BABAM2: variants seen among roughly 807,000 people sequenced by gnomAD.
The protein encoded by BABAM2 is BRISC and BRCA1 A complex member 2, also known as BRISC and BRCA1-A complex member 2.
In BABAM2, 31 loss-of-function variants were observed where a neutral mutation model predicts 54.7. That is an observed-to-expected ratio of 0.57 (90% CI 0.43 to 0.77). The LOEUF is 0.77. Ranked by LOEUF, BABAM2 falls within the 30% of genes least tolerant of loss-of-function variation. The probability of loss-of-function intolerance (pLI) is 0.00; values close to 1 mark genes in which losing one functional copy is unlikely to be tolerated. For synonymous variants in BABAM2, 167 were observed against 162.9 expected (o/e 1.03, Z -0.19); for missense variants, 364 against 455.8 (o/e 0.80, Z 1.83).
intron 7 of BABAM2, among the ~76,000 whole-genome samples, chr2:28,187,217 A>G (rs1477284914): frequency 6.6e-6 from 1 of 152,122 alleles, no homozygotes; most frequent in Non-Finnish European, 1.5e-5. Flanking sequence ...CACCTCTGCA[A>G]CTCAGCCTGA....
intron 3 of BABAM2, among the ~76,000 whole-genome samples, chr2:27,955,565 T>A (rs1165570255): frequency 2.0e-5 from 3 of 152,244 alleles, no homozygotes; most frequent in Non-Finnish European, 4.4e-5. Flanking sequence ...ATAACACAGA[T>A]ATGTGCATTA....
intron 7 of BABAM2, among the ~76,000 whole-genome samples, chr2:28,225,276 G>T (rs537027619): frequency 2.6e-5 from 4 of 152,266 alleles, no homozygotes; most frequent in African/African-American, 7.2e-5. Flanking sequence ...AAAGACAGTC[G>T]GGCTAACAAG....
chr2:28,049,446 A>G (rs1677841181), intron 6 of BABAM2, among the ~76,000 whole-genome samples: 1 of 152,214 alleles, frequency 6.6e-6, no homozygotes, highest in Non-Finnish European at 1.5e-5. Flanking sequence ...AGCCCAGGTT[A>G]GAAGTAAGGC....
rs147170004 is a variant in BABAM2, at chr2:27,894,037, T to C, written c.-24-496T>C. 6.4e-3 allele frequency among the ~76,000 whole-genome samples: 957 copies of C among 149,880 alleles called. 5 individuals carry two copies. The highest frequency in any genetic ancestry group is 7.9e-3 in the Non-Finnish European group (535 of 67,500). On this transcript the variant is annotated intron_variant, in intron 1 of 11. Transcript: ENST00000379624. Reference sequence around the variant, plus strand: ...AGAAAGATATATCAGCAGTAAATAATTTCTAGTAAGTAATAGCTTCAAGCA... The same window carrying C: ...AGAAAGATATATCAGCAGTAAATAACTTCTAGTAAGTAATAGCTTCAAGCA...
chr2:27,998,438 A>G (rs1673333424), intron 4 of BABAM2, among the ~76,000 whole-genome samples: 3 of 151,966 alleles, frequency 2.0e-5, no homozygotes, highest in African/African-American at 2.4e-5. Flanking sequence ...TTTTCTGCCT[A>G]TGCCACATGG....
intron 6 of BABAM2, among the ~76,000 whole-genome samples, chr2:28,124,934 G>T (rs190763524): frequency 6.6e-6 from 1 of 152,282 alleles, no homozygotes; most frequent in Admixed American, 6.5e-5. Context: ...GATGGCAGAA[G>T]AGCCCTCAAA....
intron 7 of BABAM2, among the ~76,000 whole-genome samples, chr2:28,185,799 C>T (rs1216504655): frequency 6.6e-6 from 1 of 151,784 alleles, no homozygotes; most frequent in Non-Finnish European, 1.5e-5. Context: ...TCTTCTTGTG[C>T]CATGAGACTC....
At chr2:28,195,650 G>A (rs770201357) in intron 7 of BABAM2, among the ~76,000 whole-genome samples, 11 of 152,252 alleles carry the variant, frequency 7.2e-5, no homozygotes, top group South Asian at 4.1e-4. Context: ...TATTTTTATC[G>A]TAGATACATA....
intron 3 of BABAM2, among the ~76,000 whole-genome samples, chr2:27,951,712 T>A (rs915406697): frequency 1.3e-5 from 2 of 152,184 alleles, no homozygotes; most frequent in Non-Finnish European, 2.9e-5. Flanking sequence ...TTCAATTTTT[T>A]ATTTTTCCGT....
intron 7 of BABAM2, among the ~76,000 whole-genome samples, chr2:28,148,827 G>A (rs1364449686): frequency 1.3e-5 from 2 of 152,208 alleles, no homozygotes; most frequent in African/African-American, 4.8e-5. Flanking sequence ...AGCCAGGAGA[G>A]CTGGAGCCAG....
chr2:28,104,190 A>G (rs1276508574), intron 6 of BABAM2, among the ~76,000 whole-genome samples: 1 of 152,244 alleles, frequency 6.6e-6, no homozygotes, highest in Non-Finnish European at 1.5e-5. Flanking sequence ...AAATTGACAA[A>G]TGGGATCTAA....
intron 6 of BABAM2, among the ~76,000 whole-genome samples, chr2:28,071,923 C>CT (rs1664178703): frequency 6.6e-6 from 1 of 152,180 alleles, no homozygotes; most frequent in Non-Finnish European, 1.5e-5. Flanking sequence ...TGACATGGCC[C>CT]TAGTAGTCTT....
At chr2:27,925,088 G>T (rs776135431) in intron 2 of BABAM2, among the ~76,000 whole-genome samples, 3 of 152,162 alleles carry the variant, frequency 2.0e-5, no homozygotes, top group Non-Finnish European at 4.4e-5. Context: ...ATTTTGACTT[G>T]AGTGTGCTTT....
intron 7 of BABAM2, among the ~76,000 whole-genome samples, chr2:28,182,310 A>T (rs559745014): frequency 3.0e-4 from 45 of 152,274 alleles, no homozygotes; most frequent in African/African-American, 9.6e-4. Context: ...AGAAGATATT[A>T]CAGGGTCTGT....
chr2:28,031,242 G>A (rs766748869), intron 5 of BABAM2, among the ~76,000 whole-genome samples: 1 of 152,146 alleles, frequency 6.6e-6, no homozygotes, highest in Non-Finnish European at 1.5e-5. Context: ...ATCTGTGGAA[G>A]CGTTCCACCT....
chr2:28,061,774 C>CT (rs1322782349), intron 6 of BABAM2, among the ~76,000 whole-genome samples: 349 of 148,362 alleles, frequency 2.4e-3, no homozygotes, highest in Non-Finnish European at 3.8e-3. Flanking sequence ...ATTTCAATAA[C>CT]TTTTTTTTTT....
intron 5 of BABAM2, among the ~76,000 whole-genome samples, chr2:28,026,865 T>TATATATATTTATATATATAA (rs1558667274): frequency 1.0e-4 from 5 of 49,592 alleles, no homozygotes; most frequent in Non-Finnish European, 1.7e-4. Context: ...TATATATAGA[T>TATATATATTTATATATATAA]ATATATATTT....
rs76587075 is a variant in BABAM2 at position 28,325,424 on chromosome 2, T to C, written c.1089-13026T>C. Reference sequence around the variant, plus strand: ...CCCCCTCCTGCCAGACGTTCTGTCATCTGCCAGCCTGCATGGAACTTCCCC... The same window carrying C: ...CCCCCTCCTGCCAGACGTTCTGTCACCTGCCAGCCTGCATGGAACTTCCCC... On this transcript the variant is annotated intron_variant, in intron 11 of 11. Transcript: ENST00000379624. The surrounding 1 kb of genome is among the most constrained non-coding windows in gnomAD (Gnocchi z 4.3). 0.028 allele frequency among the ~76,000 whole-genome samples: 4,258 copies of C among 152,272 alleles called. 142 individuals carry two copies. The highest frequency in any genetic ancestry group is 0.07 in the African/African-American group (2,912 of 41,534).
At chr2:28,195,906 C>T (rs536854798) in intron 7 of BABAM2, among the ~76,000 whole-genome samples, 4 of 152,326 alleles carry the variant, frequency 2.6e-5, no homozygotes, top group African/African-American at 9.6e-5. Context: ...TGCAATATCT[C>T]AAGGATACTG....
Sources: allele counts gnomAD v4.1 joint callset (sites outside exome capture counted in the v4.1 genomes callset), GRCh38; gene constraint gnomAD v4.1.1; non-coding constraint Gnocchi (gnomAD v3.1); transcripts MANE v1.5; gene names NCBI Gene and HGNC (gene_info 2026-07-23, HGNC 2026-07-21).